The following DDX1 variants were observed in gnomAD, a reference collection of about 807,000 sequenced individuals.
The protein encoded by DDX1 is DEAD-box helicase 1.
DDX1 carries 28 observed loss-of-function variants against 108.7 expected under a neutral mutation model. The observed-to-expected ratio is 0.26, with a 90% CI of 0.19 to 0.35. The LOEUF is 0.35. Ranked by LOEUF, DDX1 falls within the 10% of genes least tolerant of loss-of-function variation. The pLI is 1.00. For synonymous variants in DDX1, 295 were observed against 288.9 expected (o/e 1.02, Z -0.21); for missense variants, 710 against 884.5 (o/e 0.80, Z 2.50).
chr2:15,628,770 A>G (rs781126832), intron 22 of DDX1, 27 bp from the exon 23 acceptor site: 11 of 1,613,400 alleles, frequency 6.8e-6, no homozygotes, highest in East Asian at 2.2e-5. Flanking sequence ...AATAAAGTCT[A>G]ATAGAAGGCT....
intron 14 of DDX1, among the ~76,000 whole-genome samples, chr2:15,615,452 G>A (rs935477615): frequency 6.6e-6 from 1 of 152,186 alleles, no homozygotes; most frequent in African/African-American, 2.4e-5. Flanking sequence ...TCACTGCTGT[G>A]TACAGCACCT....
At chr2:15,628,373 A>AG in intron 20 of DDX1, 72 bp from the exon 21 acceptor site, 1 of 1,142,086 alleles carries the variant, frequency 8.8e-7, no homozygotes, top group East Asian at 2.3e-5. Flanking sequence ...ATTTAGTGGA[A>AG]GGATAGCATT....
At chr2:15,604,826 G>A (rs1665639134) in intron 10 of DDX1, among the ~76,000 whole-genome samples, 1 of 152,184 alleles carries the variant, frequency 6.6e-6, no homozygotes, top group South Asian at 2.1e-4. Flanking sequence ...GCGGTTTGGG[G>A]GTTTGTGCTT....
chr2:15,593,164 C>T (rs1024668249), intron 1 of DDX1, among the ~76,000 whole-genome samples: 2 of 152,088 alleles, frequency 1.3e-5, no homozygotes, highest in Non-Finnish European at 1.5e-5. Flanking sequence ...TCAGGTGATC[C>T]GCTCACCTCG....
chr2:15,621,411 G>A, intron 18 of DDX1: 1 of 277,418 alleles, frequency 3.6e-6, no homozygotes. Context: ...GGTTCAAGCA[G>A]TTCTCTTCTT....
At chr2:15,606,411 T>C (rs183018966) in intron 12 of DDX1, 147 bp downstream of exon 12, 247 of 594,878 alleles carry the variant, frequency 4.2e-4, no homozygotes, top group Non-Finnish European at 5.6e-4. Context: ...GTAAAATTCA[T>C]TTTTAAAACC....
intron 25 of DDX1, 149 bp from the exon 26 acceptor site, chr2:15,630,627 T>C: frequency 2.7e-6 from 2 of 744,444 alleles, no homozygotes; most frequent in South Asian, 4.3e-5. Context: ...TTAACATTTT[T>C]TAAAGTCAAA....
At chr2:15,613,420 A>G (rs1228572796) in intron 14 of DDX1, 136 bp downstream of exon 14, 3 of 520,096 alleles carry the variant, frequency 5.8e-6, no homozygotes, top group African/African-American at 4.0e-5. Context: ...GTTCAAAGAC[A>G]TCTTGCAAGT....
At chr2:15,616,192 C>A (rs188172979) in intron 14 of DDX1, among the ~76,000 whole-genome samples, 1 of 152,104 alleles carries the variant, frequency 6.6e-6, no homozygotes, top group East Asian at 1.9e-4. Context: ...GGATTACAGG[C>A]GTGAGCCACC....
At chr2:15,624,743 T>C (rs1198267375) in intron 19 of DDX1, among the ~76,000 whole-genome samples, 4 of 152,186 alleles carry the variant, frequency 2.6e-5, no homozygotes, top group African/African-American at 4.8e-5. Flanking sequence ...TCAGTTGTTA[T>C]GGAAATGCAA....
At chr2:15,612,868 G>A (rs571418868) in intron 13 of DDX1, among the ~76,000 whole-genome samples, 7 of 151,870 alleles carry the variant, frequency 4.6e-5, no homozygotes, top group African/African-American at 1.4e-4. Flanking sequence ...CCAGTCAGGC[G>A]TGGTGGCGCG....
At chr2:15,593,137 G>A (rs909064155) in intron 1 of DDX1, among the ~76,000 whole-genome samples, 1 of 152,094 alleles carries the variant, frequency 6.6e-6, no homozygotes. Context: ...GGCCAGGCTG[G>A]TCTCGAACTC....
intron 5 of DDX1, chr2:15,599,207 G>A (rs1665547464): frequency 6.7e-6 from 1 of 150,298 alleles, no homozygotes; most frequent in East Asian, 1.9e-4. Context: ...TTTTACTTGT[G>A]TATTCTAAAT....
chr2:15,622,892 C>T (rs1361036437), intron 18 of DDX1, among the ~76,000 whole-genome samples: 1 of 152,140 alleles, frequency 6.6e-6, no homozygotes, highest in Non-Finnish European at 1.5e-5. Flanking sequence ...CAGCTTCACA[C>T]TGAAAAATAG....
In DDX1 at chr2:15,591,957, T is replaced by TGTGGAAACTCTGGGGGTG; in HGVS notation, c.16+13_16+30dup. The TGTGGAAACTCTGGGGGTG allele has an allele frequency of 7.0e-7, 1 of 1,427,084 alleles. No homozygotes were observed. The highest frequency in any genetic ancestry group is 9.2e-7 in the Non-Finnish European group (1 of 1,089,224). 88.4% of individuals were successfully genotyped at this position (1,427,084 alleles called of 1,614,324 possible). A position where few individuals can be genotyped will look rare whatever the true frequency, so the allele number is the denominator to read the frequency against. On this transcript the variant is annotated intron_variant, in intron 1 of 25. Coordinates refer to ENST00000233084, the MANE Select transcript of DDX1 (RefSeq NM_004939.3). Reference sequence around the variant, plus strand: ...AGATGGCGGCCTTCTCCGGTGCGTTTGTGGAAACTCTGGGGGTGGTGGGGC... The same window carrying TGTGGAAACTCTGGGGGTG: ...AGATGGCGGCCTTCTCCGGTGCGTTTGTGGAAACTCTGGGGGTGGTGGAAACTCTGGGGGTGGTGGGGC...
chr2:15,609,100 A>T (rs1403518372), intron 13 of DDX1, among the ~76,000 whole-genome samples: 2 of 152,198 alleles, frequency 1.3e-5, no homozygotes, highest in East Asian at 3.9e-4. Flanking sequence ...CAAATACAAT[A>T]AATGCCTTGA....
intron 13 of DDX1, among the ~76,000 whole-genome samples, chr2:15,611,201 G>A (rs1665747005): frequency 6.7e-6 from 1 of 150,000 alleles, no homozygotes; most frequent in Non-Finnish European, 1.5e-5. Context: ...AGGGTTGGGG[G>A]TAAGGTCACA....
chr2:15,628,864 A>G (rs1222363182), intron 23 of DDX1, 25 bp downstream of exon 23: 2 of 1,597,244 alleles, frequency 1.3e-6, no homozygotes, highest in Non-Finnish European at 8.6e-7. Flanking sequence ...GCTCTATTAT[A>G]TTCATTGTGT....
chr2:15,602,280 A>G (rs527507675), intron 6 of DDX1, among the ~76,000 whole-genome samples: 13 of 152,346 alleles, frequency 8.5e-5, no homozygotes, highest in African/African-American at 2.4e-4. Flanking sequence ...TTGTTGCTGT[A>G]AAATCTTACC....
Sources: allele counts gnomAD v4.1 joint callset (sites outside exome capture counted in the v4.1 genomes callset), GRCh38; gene constraint gnomAD v4.1.1; transcripts MANE v1.5; gene names NCBI Gene and HGNC (gene_info 2026-07-23, HGNC 2026-07-21).